Variants in NXPE2 observed in about 807,000 individuals in gnomAD.
The protein encoded by NXPE2 is NXPE family member 2.
A neutral mutation model predicts 34.4 loss-of-function variants in NXPE2; 34 were observed. The observed-to-expected ratio is 0.99, with a 90% CI of 0.75 to 1.31. The LOEUF (loss-of-function observed/expected upper bound fraction) is 1.31, where lower values mean the gene tolerates loss of function less well. Among genes scored for constraint, NXPE2 ranks in the 40% most tolerant of loss-of-function variants. The probability of loss-of-function intolerance (pLI) is 0.00; values close to 1 mark genes in which losing one functional copy is unlikely to be tolerated. For missense variants in NXPE2, 649 were observed against 672.5 expected, an observed-to-expected ratio of 0.97 and a Z score of 0.39; for synonymous variants, 235 against 231.3, an observed-to-expected ratio of 1.02 and a Z score of -0.15.
At chr11:114,686,149 T>C (rs1471889938) in intron 2 of NXPE2, among the ~76,000 whole-genome samples, 1 of 152,026 alleles carries the variant, frequency 6.6e-6, no homozygotes, top group South Asian at 2.1e-4. Context: ...ATTTAGGGAG[T>C]ACATGTGCAG....
chr11:114,662,755 C>T, the NXPE2 span, among the ~76,000 whole-genome samples: 22 of 152,258 alleles, frequency 1.4e-4, no homozygotes, highest in African/African-American at 5.1e-4. Context: ...GCTGCCGTTC[C>T]AGGCCCTAGC....
At chr11:114,497,196 T>G in the NXPE2 span, among the ~76,000 whole-genome samples, 1 of 152,168 alleles carries the variant, frequency 6.6e-6, no homozygotes, top group African/African-American at 2.4e-5. Context: ...CCTGACCCTG[T>G]GTAGGCCTAG....
chr11:114,620,686 C>A, the NXPE2 span, among the ~76,000 whole-genome samples: 1 of 150,550 alleles, frequency 6.6e-6, no homozygotes, highest in African/African-American at 2.4e-5. Flanking sequence ...TCCCAGGTAA[C>A]CACTGTTACC....
At chr11:114,552,052 GT>G in the NXPE2 span, 1 of 152,358 alleles carries the variant, frequency 6.6e-6, no homozygotes, top group East Asian at 1.9e-4. Context: ...AAAGTTCTGT[GT>G]TTTGAATCTG....
chr11:114,746,157 T>G, the NXPE2 span, among the ~76,000 whole-genome samples: 2 of 152,158 alleles, frequency 1.3e-5, no homozygotes, highest in Non-Finnish European at 2.9e-5. Flanking sequence ...AATCTATCTT[T>G]GGTGAACTTC....
chr11:114,518,162 G>C, the NXPE2 span: 2 of 152,180 alleles, frequency 1.3e-5, no homozygotes, highest in Non-Finnish European at 2.9e-5. Flanking sequence ...TCCTTACCAA[G>C]AGCTGCAATT....
the NXPE2 span, chr11:114,582,159 G>A: frequency 5.2e-6 from 5 of 965,820 alleles, no homozygotes; most frequent in Non-Finnish European, 7.5e-6. Flanking sequence ...TGAATTCACA[G>A]ATCCTTTCCC....
At chr11:114,747,280 G>A in the NXPE2 span, among the ~76,000 whole-genome samples, 4 of 150,820 alleles carry the variant, frequency 2.7e-5, no homozygotes, top group East Asian at 3.9e-4. Flanking sequence ...GACCCAGGCC[G>A]ATAGAGAACC....
At chr11:114,762,380 A>G in the NXPE2 span, among the ~76,000 whole-genome samples, 2 of 152,330 alleles carry the variant, frequency 1.3e-5, no homozygotes, top group African/African-American at 4.8e-5. Context: ...CATATCCGAG[A>G]CAGTCTGTGA....
the NXPE2 span, among the ~76,000 whole-genome samples, chr11:114,610,594 C>T: frequency 1.3e-5 from 2 of 151,586 alleles, no homozygotes; most frequent in Non-Finnish European, 3.0e-5. Context: ...GGTATTGCCT[C>T]GTGGTTAACC....
the NXPE2 span, chr11:114,571,111 TA>T: frequency 3.7e-6 from 6 of 1,613,922 alleles, no homozygotes; most frequent in Non-Finnish European, 5.1e-6. Context: ...TGAAAGTCAC[TA>T]AATCTTTCTG....
intron 2 of NXPE2, among the ~76,000 whole-genome samples, chr11:114,687,562 A>T (rs1171320922): frequency 1.3e-5 from 2 of 151,896 alleles, no homozygotes; most frequent in Non-Finnish European, 2.9e-5. Context: ...CACTAGCTGT[A>T]TTCTTTTTTG....
At chr11:114,580,278 C>G in the NXPE2 span, 1 of 1,613,962 alleles carries the variant, frequency 6.2e-7, no homozygotes, top group Non-Finnish European at 8.5e-7. Context: ...CCAGACATGC[C>G]CACTGGGGAT....
chr11:114,626,180 T>C, the NXPE2 span, among the ~76,000 whole-genome samples: 101,980 of 151,860 alleles, frequency 0.67, 34,520 homozygotes, highest in African/African-American at 0.75. Flanking sequence ...CACCACAGCT[T>C]AAGGAGGGCT....
chr11:114,711,269 T>G (rs1449991254), downstream of NXPE2, among the ~76,000 whole-genome samples: 1 of 151,982 alleles, frequency 6.6e-6, no homozygotes, highest in Non-Finnish European at 1.5e-5. Flanking sequence ...ACAAAAAAAT[T>G]TTGTTATATA....
At chr11:114,522,230 A>G in the NXPE2 span, 3 of 1,614,024 alleles carry the variant, frequency 1.9e-6, no homozygotes, top group African/African-American at 2.7e-5. Flanking sequence ...CAGTCTTTCA[A>G]TAGCCTTTTG....
the NXPE2 span, among the ~76,000 whole-genome samples, chr11:114,596,444 T>C: frequency 6.6e-6 from 1 of 152,200 alleles, no homozygotes; most frequent in Admixed American, 6.5e-5. Flanking sequence ...GCCCATCATC[T>C]TTCCATCTTA....
At chr11:114,642,268 A>G in the NXPE2 span, among the ~76,000 whole-genome samples, 4 of 152,020 alleles carry the variant, frequency 2.6e-5, no homozygotes, top group African/African-American at 7.2e-5. Flanking sequence ...ATAATTCCCA[A>G]TTGAGGGATA....
chr11:114,644,837 C>A, the NXPE2 span, among the ~76,000 whole-genome samples: 1 of 151,144 alleles, frequency 6.6e-6, no homozygotes, highest in East Asian at 1.9e-4. Context: ...AAAAAAAAAA[C>A]TGTAATTAAG....
Sources: allele counts gnomAD v4.1 joint callset (sites outside exome capture counted in the v4.1 genomes callset), GRCh38; gene constraint gnomAD v4.1.1; transcripts MANE v1.5; gene names NCBI Gene and HGNC (gene_info 2026-07-23, HGNC 2026-07-21).